ALDH3A2: variants seen among roughly 807,000 people sequenced by gnomAD.
The protein encoded by ALDH3A2 is aldehyde dehydrogenase family 3 member A2.
Under a neutral mutation model 51.3 loss-of-function variants are expected in ALDH3A2, and 36 were observed. The observed-to-expected ratio is 0.70, with a 90% CI of 0.54 to 0.93. The LOEUF is 0.93. Among genes scored for constraint, ALDH3A2 ranks in the 40% least tolerant of loss-of-function variants. The probability of loss-of-function intolerance (pLI) is 0.00; values close to 1 mark genes in which losing one functional copy is unlikely to be tolerated. For missense variants in ALDH3A2, 552 were observed against 603.1 expected, an observed-to-expected ratio of 0.92 and a Z score of 0.89; for synonymous variants, 199 against 219.8, an observed-to-expected ratio of 0.91 and a Z score of 0.84.
chr17:19,654,481 C>T lies in ALDH3A2; in HGVS notation c.471+1849C>T, dbSNP rs7215552. Among the ~76,000 whole-genome samples the T allele has an allele frequency of 0.014, 2,178 of 152,266 alleles. 56 individuals carry two copies. The highest frequency in any genetic ancestry group is 0.05 in the African/African-American group (2,066 of 41,560). The stretch of plus-strand genomic sequence containing the variant: ...GCCCTGCGGGGAGGTGGCTGAGGCC[C>T]GGCGAGAATTCGAGTGTGGCGCTGG... On this transcript the variant is annotated intron_variant, in intron 3 of 9. Transcript: ENST00000176643. The surrounding 1 kb of genome is among the most constrained non-coding windows in gnomAD (Gnocchi z 4.5).
At chr17:19,672,340 ACTTTCCTTGTCACTTACAG>A (rs1276163936) in intron 9 of ALDH3A2, 2 of 244,122 alleles carry the variant, frequency 8.2e-6, no homozygotes, top group Admixed American at 5.0e-5. Flanking sequence ...TTGGTATTGG[ACTTTCCTTGTCACTTACAG>A]CTTTGTTCTT....
chr17:19,661,558 AT>A, intron 6 of ALDH3A2: 1 of 360,870 alleles, frequency 2.8e-6, no homozygotes, highest in Non-Finnish European at 5.1e-6. Flanking sequence ...TGATGTAATT[AT>A]CTGTAGTTTG....
intron 3 of ALDH3A2, 30 bp downstream of exon 3, chr17:19,652,662 A>G (rs772636737): frequency 1.1e-5 from 16 of 1,520,854 alleles, no homozygotes; most frequent in South Asian, 4.5e-5. Context: ...TCTCCAACAT[A>G]TGTGTTTACT....
In ALDH3A2 at chr17:19,656,519, G is replaced by T. The variant is rs1381070600; in HGVS notation, c.625G>T (p.Gly209Ter). The T allele has an allele frequency of 6.2e-7, 1 of 1,614,094 alleles. No homozygotes were observed. Among genetic ancestry groups the T allele is most frequent in the Admixed American group, 1.7e-5 (1 of 60,004 alleles). Residue 209 changes from glycine to a stop codon, truncating the protein, a stop_gained, in exon 4 of 10, where the codon GGA becomes TGA. Transcript: ENST00000176643. LOFTEE classifies it high-confidence loss of function. ...TCTGACCCCTGTGACTCTTGAACTGGGAGGGAAAAGTCCATGTTATATTGA... is the reference window on the plus strand; with the variant it reads ...TCTGACCCCTGTGACTCTTGAACTGTGAGGGAAAAGTCCATGTTATATTGA... ...KHLTPVTLEL[G>*]GKSPCYIDKD...
At chr17:19,652,726 A>G in intron 3 of ALDH3A2, 94 bp downstream of exon 3, 1 of 1,076,690 alleles carries the variant, frequency 9.3e-7, no homozygotes, top group South Asian at 1.3e-5. Flanking sequence ...CTGGCCGGGG[A>G]CCCAATTGCA....
intron 6 of ALDH3A2, 63 bp downstream of exon 6, chr17:19,661,331 T>G (rs1402217945): frequency 6.4e-7 from 1 of 1,560,662 alleles, no homozygotes. Flanking sequence ...CTGACACTAC[T>G]TATTAACACT....
chr17:19,663,410 G>T lies in ALDH3A2; in HGVS notation c.1018G>T (p.Val340Leu), dbSNP rs367692349. ...EEIFGPILPIVPVKNVDEAIN... is the reference protein window; with the variant it reads ...EEIFGPILPILPVKNVDEAIN... ...AATTTTTGGACCAATTCTTCCAATA[G>T]TGCCTGTGAAAAATGTAGATGAGGC... Residue 340 changes from valine (V) to leucine (L), a missense_variant, in exon 7 of 10, where the codon GTG becomes TTG. Val to Leu is a conservative substitution (Grantham distance 32, BLOSUM62 1). Coordinates refer to ENST00000176643, the MANE Select transcript of ALDH3A2 (RefSeq NM_000382.3). 1.2e-6 allele frequency: 2 copies of T among 1,614,026 alleles called. No individual in the cohort carries two copies. The highest frequency in any genetic ancestry group is 2.7e-5 in the African/African-American group (2 of 74,920).
In ALDH3A2 at chr17:19,661,217, G is replaced by A; in HGVS notation, c.889G>A (p.Gly297Arg). The change falls in exon 6 of 10, where the codon GGA becomes AGA. Residue 297 changes from glycine to arginine, a missense_variant. By Grantham distance (125) the Gly-to-Arg change is moderately radical. Coordinates refer to ENST00000176643, the MANE Select transcript of ALDH3A2 (RefSeq NM_000382.3). ...TAAGAGGATACTAAGTTTGCTTGAAGGACAAAAGATAGCTTTTGGTGGGGA... is the reference window on the plus strand; with the variant it reads ...TAAGAGGATACTAAGTTTGCTTGAAAGACAAAAGATAGCTTTTGGTGGGGA... ...HFKRILSLLE[G>R]QKIAFGGETD... The A allele has an allele frequency of 1.2e-6, 2 of 1,614,106 alleles. No individual in the cohort carries two copies. The highest frequency in any genetic ancestry group is 1.1e-5 in the South Asian group (1 of 91,076).
intron 1 of ALDH3A2, among the ~76,000 whole-genome samples, chr17:19,650,978 C>G (rs2084807363): frequency 6.6e-6 from 1 of 152,142 alleles, no homozygotes; most frequent in Non-Finnish European, 1.5e-5. Flanking sequence ...TCCAAAAAGT[C>G]TGTGTCATTT....
chr17:19,662,454 AT>A (rs1387046080), intron 6 of ALDH3A2, among the ~76,000 whole-genome samples: 1 of 152,158 alleles, frequency 6.6e-6, no homozygotes, highest in East Asian at 1.9e-4. Context: ...CCAACTTGTT[AT>A]TGTCAGATGA....
At chr17:19,668,021 A>G (rs1004107302) in intron 8 of ALDH3A2, among the ~76,000 whole-genome samples, 2 of 152,148 alleles carry the variant, frequency 1.3e-5, no homozygotes, top group African/African-American at 4.8e-5. Flanking sequence ...TAGACAGAAA[A>G]GGGTCTCATT....
At chr17:19,651,448 TG>T in intron 1 of ALDH3A2, 98 bp from the exon 2 acceptor site, 1 of 1,004,478 alleles carries the variant, frequency 1.0e-6, no homozygotes, top group Non-Finnish European at 1.6e-6. Context: ...TAATGCCAGT[TG>T]TTGTCACTAC....
chr17:19,672,202 G>A, intron 9 of ALDH3A2: 1 of 562,016 alleles, frequency 1.8e-6, no homozygotes. Context: ...AACAGAGGCT[G>A]AATGGCCCTC....
chr17:19,659,858 A>AG (rs199609754), intron 5 of ALDH3A2, among the ~76,000 whole-genome samples: 1,861 of 151,782 alleles, frequency 0.012, 38 homozygotes, highest in African/African-American at 0.042. Flanking sequence ...AAAAAAAAAA[A>AG]AGAGAAAATT....
chr17:19,652,958 TG>T (rs2084837702), intron 3 of ALDH3A2, among the ~76,000 whole-genome samples: 1 of 152,220 alleles, frequency 6.6e-6, no homozygotes, highest in African/African-American at 2.4e-5. Context: ...AATGAGGGAC[TG>T]GTACTGTGCT....
Position 19,651,738 on chromosome 17 carries a change from C to T in ALDH3A2, c.345C>T (p.Phe115=), listed in dbSNP as rs201390270. Residue 115 remains phenylalanine (F), a synonymous_variant, in exon 2 of 10, where the codon TTC becomes TTT. Transcript: ENST00000176643. ...TAATCGGAGCTTGGAATTACCCCTT[C>T]GTTCTCACCATTCAGCCACTGATAG... ...VLIIGAWNYP[F]VLTIQPLIGA... 39 of 1,614,206 alleles carry T rather than the reference C, an allele frequency of 2.4e-5. No individual in the cohort carries two copies. The highest frequency in any genetic ancestry group is 2.1e-4 in the African/African-American group (16 of 75,046).
intron 3 of ALDH3A2, 162 bp from the exon 4 acceptor site, chr17:19,656,204 C>G: frequency 1.2e-5 from 9 of 720,690 alleles, no homozygotes; most frequent in South Asian, 1.1e-4. Context: ...TGTGTGTTCT[C>G]CTCTTGTCCT....
chr17:19,663,358 T>G lies in ALDH3A2; in HGVS notation c.966T>G (p.Asp322Glu), dbSNP rs775956471. The change falls in exon 7 of 10, where the codon GAT (aspartate) becomes GAG (glutamate). Residue 322 changes from aspartate (D) to glutamate (E), a missense_variant. Coordinates refer to ENST00000176643, the MANE Select transcript of ALDH3A2 (RefSeq NM_000382.3). ...YIAPTVLTDVDPKTKVMQEEI... is the reference protein window; with the variant it reads ...YIAPTVLTDVEPKTKVMQEEI... ...CCCCAACAGTACTTACCGATGTTGA[T>G]CCTAAAACCAAGGTGATGCAAGAAG... is the stretch of plus-strand genomic sequence containing the variant. The G allele has an allele frequency of 6.2e-7, 1 of 1,614,162 alleles. No individual in the cohort carries two copies. Among genetic ancestry groups the G allele is most frequent in the South Asian group, 1.1e-5 (1 of 91,080 alleles).
chr17:19,673,049 C>A, intron 9 of ALDH3A2: 1 of 1,513,658 alleles, frequency 6.6e-7, no homozygotes, highest in Non-Finnish European at 9.2e-7. Flanking sequence ...TCAACAACAA[C>A]AACAACAAAA....
Sources: allele counts gnomAD v4.1 joint callset (sites outside exome capture counted in the v4.1 genomes callset), GRCh38; gene constraint gnomAD v4.1.1; non-coding constraint Gnocchi (gnomAD v3.1); transcripts MANE v1.5; gene names NCBI Gene and HGNC (gene_info 2026-07-23, HGNC 2026-07-21).